The following NSD2 variants were observed in gnomAD, a reference collection of about 807,000 sequenced individuals.
NSD2 encodes histone-lysine N-methyltransferase NSD2.
In NSD2, 12 loss-of-function variants were observed where a neutral mutation model predicts 139.0. The observed-to-expected ratio is 0.09, with a 90% CI of 0.06 to 0.14. The LOEUF is 0.14. Among genes scored for constraint, NSD2 ranks in the 10% least tolerant of loss-of-function variants. The probability of loss-of-function intolerance (pLI) is 1.00; values close to 1 mark genes in which losing one functional copy is unlikely to be tolerated. For synonymous variants in NSD2, 669 were observed against 648.7 expected, an observed-to-expected ratio of 1.03 and a Z score of -0.48; for missense variants, 1,155 against 1,745.0, an observed-to-expected ratio of 0.66 and a Z score of 6.02.
At chr4:1,947,799 G>A (rs1252211801) in intron 9 of NSD2, 4 of 1,047,900 alleles carry the variant, frequency 3.8e-6, no homozygotes, top group Non-Finnish European at 4.6e-6. Flanking sequence ...GTCTGTAATT[G>A]TATTTCAAAA....
In NSD2 at chr4:1,980,029, A is replaced by T. The variant is rs533672976; in HGVS notation, c.*1120A>T. 4.3e-6 allele frequency: 1 copy of T among 232,528 alleles called. No individual in the cohort carries two copies. The highest frequency in any genetic ancestry group is 2.2e-5 in the African/African-American group (1 of 45,410). 14.4% of individuals were successfully genotyped at this position (232,528 alleles called of 1,614,324 possible). On this transcript the variant is annotated 3_prime_UTR_variant, in exon 22 of 22. Coordinates refer to ENST00000508803, the MANE Select transcript of NSD2 (RefSeq NM_001042424.3). ...ATCTCAGCACTCTGTGGGTCTGGTG[A>T]TGGAAGATGCAGTCTCTGCTGATCA...
At chr4:1,953,243 T>C in intron 11 of NSD2, 81 bp from the exon 12 acceptor site, 3 of 1,611,362 alleles carry the variant, frequency 1.9e-6, no homozygotes, top group Non-Finnish European at 2.5e-6. Flanking sequence ...GAGGAGTTGC[T>C]TGATTTTAGT....
At chr4:1,894,867 T>G (rs765067172) in intron 1 of NSD2, among the ~76,000 whole-genome samples, 1 of 152,174 alleles carries the variant, frequency 6.6e-6, no homozygotes, top group African/African-American at 2.4e-5. Context: ...CACATTGTTA[T>G]ACAACCATGA....
rs1053320361 is a variant in NSD2, at chr4:1,942,877, A to G, written c.1881+3099A>G. ...CAGTGAGATATATTCAGTATTGTAG[A>G]TACTACACTAATTTCCAACATAAGA... On this transcript the variant is annotated intron_variant, in intron 9 of 21. Transcript: ENST00000508803. The surrounding 1 kb of genome is among the most constrained non-coding windows in gnomAD (Gnocchi z 4.0). 3 of 1,060,972 alleles carry G rather than the reference A, an allele frequency of 2.8e-6. No homozygotes were observed. Among genetic ancestry groups the G allele is most frequent in the African/African-American group, 3.3e-5 (2 of 60,722 alleles). 65.7% of individuals were successfully genotyped at this position (1,060,972 alleles called of 1,614,324 possible).
Position 1,979,060 on chromosome 4 carries a change from C to G in NSD2, c.*151C>G. 1 of 966,198 alleles carries G rather than the reference C, an allele frequency of 1.0e-6. No individual in the cohort carries two copies. The highest frequency in any genetic ancestry group is 1.4e-6 in the Non-Finnish European group (1 of 690,198). 59.9% of individuals were successfully genotyped at this position (966,198 alleles called of 1,614,324 possible). On this transcript the variant is annotated 3_prime_UTR_variant, in exon 22 of 22. Transcript: ENST00000508803. Reference sequence around the variant, plus strand: ...CTCCTCGGGAGGGAGCGCCTCCCCACCACTGAGCCATCCTCAGCAGCGTCC... The same window carrying G: ...CTCCTCGGGAGGGAGCGCCTCCCCAGCACTGAGCCATCCTCAGCAGCGTCC...
chr4:1,872,591 T>TGAGGAGA (rs1553856419), intron 1 of NSD2, among the ~76,000 whole-genome samples: 1 of 44,838 alleles, frequency 2.2e-5, no homozygotes, highest in African/African-American at 7.0e-5. Context: ...TGTGTGTGTG[T>TGAGGAGA]GAGAGAGAGA....
In NSD2 at chr4:1,980,795, A is replaced by G. The variant is rs2109043194; in HGVS notation, c.*1886A>G. 1 of 233,332 alleles carries G rather than the reference A, an allele frequency of 4.3e-6. No individual in the cohort carries two copies. The highest frequency in any genetic ancestry group is 8.5e-6 in the Non-Finnish European group (1 of 118,052). 14.5% of individuals were successfully genotyped at this position (233,332 alleles called of 1,614,324 possible). ...GCCTCTGAGGGGCACTCGCCGGTTA[A>G]GACAGGGTGGGAGTAGTGCTTTCCA... On this transcript the variant is annotated 3_prime_UTR_variant, in exon 22 of 22. Transcript: ENST00000508803.
At position 1,948,606 on chromosome 4, in the gene NSD2, T is replaced by C; in HGVS notation, c.1882-2466T>C. ...CTGCAATCTGTGTCATGGACTGTAC[T>C]ATTGTAAGGTCTATATTCTGTATGT... is the stretch of plus-strand genomic sequence containing the variant. On this transcript the variant is annotated intron_variant, in intron 9 of 21. Coordinates refer to ENST00000508803, the MANE Select transcript of NSD2 (RefSeq NM_001042424.3). The surrounding 1 kb of genome is among the most constrained non-coding windows in gnomAD (Gnocchi z 4.5). 1.4e-5 allele frequency: 15 copies of C among 1,062,944 alleles called. No homozygotes were observed. The highest frequency in any genetic ancestry group is 1.7e-5 in the Non-Finnish European group (15 of 876,870). The allele number at this position is 1,062,944 out of a possible 1,614,324, so 65.8% of individuals were successfully genotyped here.
rs781475365 is a variant in NSD2, at chr4:1,978,762, G to A, written c.3951G>A (p.Pro1317=). ...HQDGTAFSCT[P]DGRSYCCEHD... ...ACGGGACAGCCTTCAGCTGCACCCC[G>A]GACGGGCGGTCCTACTGCTGTGAGC... Residue 1317 remains proline, a synonymous_variant, in exon 22 of 22, where the codon CCG becomes CCA. Transcript: ENST00000508803. 6.2e-6 allele frequency: 10 copies of A among 1,614,038 alleles called. No individual in the cohort carries two copies. In the Admixed American group the frequency reaches 1.0e-4, roughly 16 times the overall value.
chr4:1,933,623 T>C (rs1487267244), intron 6 of NSD2, among the ~76,000 whole-genome samples: 1 of 152,096 alleles, frequency 6.6e-6, no homozygotes, highest in East Asian at 1.9e-4. Context: ...CTCGATCTCC[T>C]GACCTCGTGA....
chr4:1,882,924 A>G (rs1266611895), intron 1 of NSD2, among the ~76,000 whole-genome samples: 1 of 152,114 alleles, frequency 6.6e-6, no homozygotes, highest in Non-Finnish European at 1.5e-5. Context: ...GTTGAGAGCT[A>G]CTGTCTGAAT....
In NSD2 at chr4:1,972,487, C is replaced by T. The variant is rs1335851945; in HGVS notation, c.3373-2376C>T. 1.3e-5 allele frequency among the ~76,000 whole-genome samples: 2 copies of T among 152,220 alleles called. No individual in the cohort carries two copies. The highest frequency in any genetic ancestry group is 2.4e-5 in the African/African-American group (1 of 41,454). On this transcript the variant is annotated intron_variant, in intron 18 of 21. Coordinates refer to ENST00000508803, the MANE Select transcript of NSD2 (RefSeq NM_001042424.3). The surrounding 1 kb of genome is among the most constrained non-coding windows in gnomAD (Gnocchi z 4.0). Reference sequence around the variant, plus strand: ...GAAGCCTTACTGTGGGAAGGGTGGGCGTGTCCTGGGGGTGACAGTGTTCCC... The same window carrying T: ...GAAGCCTTACTGTGGGAAGGGTGGGTGTGTCCTGGGGGTGACAGTGTTCCC...
chr4:1,947,450 C>T, intron 9 of NSD2: 1 of 1,058,914 alleles, frequency 9.4e-7, no homozygotes, highest in Non-Finnish European at 1.1e-6. Flanking sequence ...CAGAGACTCA[C>T]CCCCAGCCCT....
intron 1 of NSD2, among the ~76,000 whole-genome samples, chr4:1,891,409 G>A (rs1715532228): frequency 6.6e-6 from 1 of 152,212 alleles, no homozygotes; most frequent in South Asian, 2.1e-4. Flanking sequence ...CCTGGCTCTG[G>A]GGAATGTCCT....
chr4:1,936,490 G>A (rs916621778), intron 7 of NSD2, among the ~76,000 whole-genome samples: 1 of 151,986 alleles, frequency 6.6e-6, no homozygotes, highest in African/African-American at 2.4e-5. Context: ...GGCCAACATG[G>A]TGAAACCCCA....
chr4:1,916,225 T>G (rs1384867520), intron 3 of NSD2, among the ~76,000 whole-genome samples: 1 of 152,230 alleles, frequency 6.6e-6, no homozygotes, highest in Admixed American at 6.5e-5. Flanking sequence ...TACTGCCTCC[T>G]TCACTGCCTC....
chr4:1,888,652 C>G (rs944808680), intron 1 of NSD2, among the ~76,000 whole-genome samples: 11 of 151,974 alleles, frequency 7.2e-5, no homozygotes, highest in African/African-American at 2.7e-4. Flanking sequence ...GCGGCCTCCA[C>G]CTCCAGGGTT....
In NSD2 at chr4:1,981,502, C is replaced by T. The variant is rs186440343; in HGVS notation, c.*2593C>T. ...CTCAGGATTCCTTGGCATCCGAAACCAGCATCTGCACCTAAACCCATACCC... is the reference window on the plus strand; with the variant it reads ...CTCAGGATTCCTTGGCATCCGAAACTAGCATCTGCACCTAAACCCATACCC... On this transcript the variant is annotated 3_prime_UTR_variant, in exon 22 of 22. Transcript: ENST00000508803. The T allele has an allele frequency of 1.2e-3, 307 of 260,498 alleles. No homozygotes were observed. Among genetic ancestry groups the T allele is most frequent in the African/African-American group, 3.5e-3 (164 of 46,386 alleles). The allele number at this position is 260,498 out of a possible 1,614,324, so 16.1% of individuals were successfully genotyped here. A position where few individuals can be genotyped will look rare whatever the true frequency, so the allele number is the denominator to read the frequency against.
At chr4:1,931,871 C>T (rs1048733053) in intron 6 of NSD2, among the ~76,000 whole-genome samples, 8 of 152,164 alleles carry the variant, frequency 5.3e-5, no homozygotes, top group African/African-American at 1.9e-4. Flanking sequence ...GAGACGTGTT[C>T]CTTTTAAATG....
Sources: gnomAD v4.1 joint callset for allele counts (sites outside exome capture counted in the v4.1 genomes callset) on GRCh38, gnomAD v4.1.1 for gene constraint, Gnocchi (gnomAD v3.1) non-coding constraint, MANE v1.5 for transcripts, NCBI Gene and HGNC (gene_info 2026-07-23, HGNC 2026-07-21) for gene names.